Variants in BICD1 observed in about 807,000 individuals in gnomAD.
BICD1 encodes the protein protein bicaudal D homolog 1.
Under a neutral mutation model 92.5 loss-of-function variants are expected in BICD1, and 35 were observed. The observed-to-expected ratio is 0.38, with a 90% CI of 0.29 to 0.50. The LOEUF (loss-of-function observed/expected upper bound fraction) is 0.50. Ranked by LOEUF, BICD1 falls within the 20% of genes least tolerant of loss-of-function variation. BICD1 has a pLI of 0.93. For missense variants in BICD1, 950 were observed against 1,189.8 expected (o/e 0.80, Z 2.97); for synonymous variants, 429 against 465.1 (o/e 0.92, Z 1.00).
rs1937675637 is a variant in BICD1, at chr12:32,328,710, T to C, written c.2100+155T>C. 6.6e-6 allele frequency among the ~76,000 whole-genome samples: 1 copy of C among 152,204 alleles called. No individual in the cohort carries two copies. Among genetic ancestry groups the C allele is most frequent in the African/African-American group, 2.4e-5 (1 of 41,468 alleles). ...GTCCCAGTGCCAGATCAGAATGTCATAATAATTATTGTTTTTAAATGATGA... is the reference window on the plus strand; with the variant it reads ...GTCCCAGTGCCAGATCAGAATGTCACAATAATTATTGTTTTTAAATGATGA... On this transcript the variant is annotated intron_variant, in intron 5 of 9. Coordinates refer to ENST00000652176, the MANE Select transcript of BICD1 (RefSeq NM_001714.4). This position sits in a 1 kb window ranked among gnomAD's most constrained non-coding sequence, Gnocchi z 4.4.
At chr12:32,276,332 T>C (rs1490591304) in intron 2 of BICD1, among the ~76,000 whole-genome samples, 1 of 152,174 alleles carries the variant, frequency 6.6e-6, no homozygotes, top group Non-Finnish European at 1.5e-5. Context: ...ACTTGGGTTT[T>C]CCTGTTGAGA....
chr12:32,295,802 G>C (rs1947852699), intron 3 of BICD1, among the ~76,000 whole-genome samples: 1 of 151,674 alleles, frequency 6.6e-6, no homozygotes, highest in African/African-American at 2.4e-5. Flanking sequence ...ACAGGCATGA[G>C]CCACCACACC....
At chr12:32,338,005 G>A (rs919003833) in intron 7 of BICD1, 189 bp downstream of exon 7, 8 of 599,930 alleles carry the variant, frequency 1.3e-5, no homozygotes, top group Non-Finnish European at 2.3e-5. Context: ...TGTTTATGTA[G>A]TCCTTTCTAA....
chr12:32,197,801 C>T (rs1944767913), intron 1 of BICD1, among the ~76,000 whole-genome samples: 1 of 152,186 alleles, frequency 6.6e-6, no homozygotes, highest in Non-Finnish European at 1.5e-5. Context: ...TTTATAGTCC[C>T]AGTATGCCCG....
At chr12:32,212,412 A>G (rs577148764) in intron 1 of BICD1, among the ~76,000 whole-genome samples, 1 of 152,276 alleles carries the variant, frequency 6.6e-6, no homozygotes, top group South Asian at 2.1e-4. Context: ...CAGAAGCAAT[A>G]TGCTGTGACA....
rs907379961 is a variant in BICD1, at chr12:32,108,418, C to T, written c.213+874C>T. 4.2e-5 allele frequency: 14 copies of T among 333,716 alleles called. No individual in the cohort carries two copies. In the Admixed American group the frequency reaches 5.4e-4, roughly 13 times the overall value. The allele number at this position is 333,716 out of a possible 1,614,324, so 20.7% of individuals were successfully genotyped here. ...AAAACAATGAACGTGCTTTGATTTC[C>T]TATCAGTCACTCTTAAGAACATACA... On this transcript the variant is annotated intron_variant, in intron 1 of 9. Transcript: ENST00000652176.
chr12:32,135,879 G>A (rs1942720077), intron 1 of BICD1, among the ~76,000 whole-genome samples: 2 of 151,146 alleles, frequency 1.3e-5, no homozygotes, highest in East Asian at 2.0e-4. Context: ...GGAAAATAAA[G>A]GGGGAAGGAA....
chr12:32,121,961 G>C (rs1011238304), intron 1 of BICD1, among the ~76,000 whole-genome samples: 1 of 151,868 alleles, frequency 6.6e-6, no homozygotes, highest in Non-Finnish European at 1.5e-5. Flanking sequence ...CTACAGGTGT[G>C]AGTCACCACA....
intron 1 of BICD1, among the ~76,000 whole-genome samples, chr12:32,193,089 G>A (rs1207760692): frequency 1.3e-5 from 2 of 152,318 alleles, no homozygotes; most frequent in East Asian, 3.9e-4. Flanking sequence ...TTTGAAAAAA[G>A]TTCTACTGTG....
intron 8 of BICD1, among the ~76,000 whole-genome samples, chr12:32,362,639 A>G (rs1939372652): frequency 6.6e-6 from 1 of 152,156 alleles, no homozygotes; most frequent in African/African-American, 2.4e-5. Flanking sequence ...TATTTTCTAG[A>G]GGTAGCTGGT....
intron 2 of BICD1, among the ~76,000 whole-genome samples, chr12:32,256,871 G>T (rs952275830): frequency 1.3e-5 from 2 of 152,090 alleles, no homozygotes; most frequent in Non-Finnish European, 2.9e-5. Flanking sequence ...ATCTAATTAT[G>T]CAGTTCATCA....
chr12:32,314,089 T>TATC (rs1413059082), intron 4 of BICD1, among the ~76,000 whole-genome samples: 1 of 152,224 alleles, frequency 6.6e-6, no homozygotes, highest in African/African-American at 2.4e-5. Context: ...TGCTGTAATA[T>TATC]ATCAGCACTT....
At chr12:32,274,126 C>T (rs188181096) in intron 2 of BICD1, among the ~76,000 whole-genome samples, 402 of 152,164 alleles carry the variant, frequency 2.6e-3, no homozygotes, top group Admixed American at 3.9e-3. Flanking sequence ...GAGTTCTTTT[C>T]GACACTTTAA....
intron 2 of BICD1, among the ~76,000 whole-genome samples, chr12:32,287,048 C>A (rs1331697078): frequency 2.6e-5 from 4 of 151,988 alleles, no homozygotes; most frequent in Non-Finnish European, 5.9e-5. Flanking sequence ...GAAGGTTTCC[C>A]TGAGGAGATG....
At chr12:32,170,685 A>C (rs1025101260) in intron 1 of BICD1, among the ~76,000 whole-genome samples, 11 of 152,198 alleles carry the variant, frequency 7.2e-5, no homozygotes, top group Admixed American at 2.6e-4. Context: ...CAGTTTGAGG[A>C]GAGATTAGTG....
chr12:32,216,907 G>C (rs553977009), intron 2 of BICD1, among the ~76,000 whole-genome samples: 1 of 152,216 alleles, frequency 6.6e-6, no homozygotes, highest in Non-Finnish European at 1.5e-5. Flanking sequence ...AGAAGTCTTT[G>C]AGTCTGGTGA....
intron 8 of BICD1, among the ~76,000 whole-genome samples, chr12:32,360,762 G>T (rs1178416348): frequency 4.6e-5 from 7 of 152,090 alleles, no homozygotes; most frequent in Non-Finnish European, 1.0e-4. Flanking sequence ...ATGAAATATG[G>T]TCTTCACTTA....
intron 1 of BICD1, among the ~76,000 whole-genome samples, chr12:32,174,737 C>T (rs1259514634): frequency 1.3e-5 from 2 of 152,228 alleles, no homozygotes; most frequent in Middle Eastern, 3.4e-3. Context: ...ATAGTAATTA[C>T]TCCTTTCATT....
chr12:32,264,532 G>C (rs1467066627), intron 2 of BICD1, among the ~76,000 whole-genome samples: 2 of 152,072 alleles, frequency 1.3e-5, no homozygotes, highest in Admixed American at 1.3e-4. Flanking sequence ...GTGTCGCCCA[G>C]GCTGGAGTGC....
Sources: gnomAD v4.1 joint callset for allele counts (sites outside exome capture counted in the v4.1 genomes callset) on GRCh38, gnomAD v4.1.1 for gene constraint, Gnocchi (gnomAD v3.1) non-coding constraint, MANE v1.5 for transcripts, NCBI Gene and HGNC (gene_info 2026-07-23, HGNC 2026-07-21) for gene names.